The following MAPK10 variants were observed in gnomAD, a reference collection of about 807,000 sequenced individuals.
MAPK10 encodes JNK3 alpha protein kinase.
In MAPK10, 25 loss-of-function variants were observed where a neutral mutation model predicts 59.3. That is an observed-to-expected ratio of 0.42 (90% confidence interval 0.31 to 0.59). The LOEUF (loss-of-function observed/expected upper bound fraction) is 0.59, where lower values mean the gene tolerates loss of function less well. Among genes scored for constraint, MAPK10 ranks in the 20% least tolerant of loss-of-function variants. The pLI, the probability that MAPK10 is intolerant of heterozygous loss-of-function variation, is 0.15. For synonymous variants in MAPK10, 190 were observed against 200.5 expected (o/e 0.95, Z 0.44); for missense variants, 351 against 568.9 (o/e 0.62, Z 3.90).
intron 2 of MAPK10, among the ~76,000 whole-genome samples, chr4:86,211,238 C>T (rs2085719348): frequency 6.6e-6 from 1 of 151,814 alleles, no homozygotes; most frequent in Non-Finnish European, 1.5e-5. Context: ...TCAACAAATG[C>T]CAAGTTGGAT....
intron 11 of MAPK10, among the ~76,000 whole-genome samples, chr4:86,053,980 A>T (rs2148965643): frequency 6.6e-6 from 1 of 152,312 alleles, no homozygotes; most frequent in African/African-American, 2.4e-5. Flanking sequence ...TTCATAAAGT[A>T]TTCTCTCTCA....
intron 4 of MAPK10, among the ~76,000 whole-genome samples, chr4:86,112,640 T>C (rs542060130): frequency 2.8e-4 from 42 of 151,958 alleles, no homozygotes; most frequent in Non-Finnish European, 4.6e-4. Context: ...GTAATTATAT[T>C]ATTAATTTTA....
chr4:86,505,143 C>G (rs1168814003), intron 1 of MAPK10, among the ~76,000 whole-genome samples: 2 of 152,090 alleles, frequency 1.3e-5, no homozygotes, highest in African/African-American at 4.8e-5. Flanking sequence ...CCTGGCTAGC[C>G]AACAGCACAT....
At chr4:86,372,524 G>T in intron 1 of MAPK10, among the ~76,000 whole-genome samples, 1 of 64,188 alleles carries the variant, frequency 1.6e-5, no homozygotes, top group African/African-American at 8.1e-5. Context: ...TCAAACAAAA[G>T]AAAGAAAGAA....
At chr4:86,033,833 C>A (rs1190761544) in intron 11 of MAPK10, among the ~76,000 whole-genome samples, 1 of 152,138 alleles carries the variant, frequency 6.6e-6, no homozygotes, top group Non-Finnish European at 1.5e-5. Context: ...ATACAGATGT[C>A]TTCTATGTGA....
At chr4:86,350,861 A>G (rs1730962695) in intron 2 of MAPK10, among the ~76,000 whole-genome samples, 1 of 152,234 alleles carries the variant, frequency 6.6e-6, no homozygotes. Flanking sequence ...AAATTATGGC[A>G]GTAACAACAG....
At chr4:86,361,226 T>C (rs567671651), upstream of MAPK10, among the ~76,000 whole-genome samples, 1 of 152,346 alleles carries the variant, frequency 6.6e-6, no homozygotes, top group Non-Finnish European at 1.5e-5. Flanking sequence ...TCTTTGTTGT[T>C]GCTGCTGTTG....
intron 2 of MAPK10, among the ~76,000 whole-genome samples, chr4:86,305,083 A>G (rs1325723040): frequency 1.3e-5 from 2 of 152,216 alleles, no homozygotes; most frequent in African/African-American, 4.8e-5. Context: ...AATATATGGT[A>G]CTTCTTGATT....
In MAPK10 at chr4:86,448,309, AT is replaced by A. The variant is rs796514225; in HGVS notation, c.-122+4720del. ...CAAATCCTCCCTAAATTTTCTCTCT[AT>A]TTTTTTGTCAGAATTTTCTAGTCTA... On this transcript the variant is annotated intron_variant, in intron 1 of 13. Transcript: ENST00000361569. Among the ~76,000 whole-genome samples, 451 of 150,946 alleles carry A rather than the reference AT, an allele frequency of 3.0e-3. 4 individuals are homozygous for A. The highest frequency in any genetic ancestry group is 0.011 in the African/African-American group (437 of 40,998).
At chr4:86,477,231 G>GT (rs1383409906) in intron 1 of MAPK10, among the ~76,000 whole-genome samples, 2 of 152,120 alleles carry the variant, frequency 1.3e-5, no homozygotes, top group Non-Finnish European at 2.9e-5. Context: ...ACTGTCGTGG[G>GT]TATTGACAGC....
At chr4:86,212,354 CAA>C (rs1047574837) in intron 2 of MAPK10, among the ~76,000 whole-genome samples, 1 of 148,216 alleles carries the variant, frequency 6.7e-6, no homozygotes, top group African/African-American at 2.5e-5. Context: ...CTTGTCTGTA[CAA>C]AAAAAAAATT....
chr4:86,364,835 T>C (rs1322163942), upstream of MAPK10, among the ~76,000 whole-genome samples: 4 of 151,696 alleles, frequency 2.6e-5, no homozygotes, highest in Non-Finnish European at 5.9e-5. Flanking sequence ...CAAAAATTAG[T>C]CCAGTGTGAT....
intron 11 of MAPK10, among the ~76,000 whole-genome samples, chr4:86,058,300 T>C (rs535942880): frequency 6.7e-6 from 1 of 149,696 alleles, no homozygotes; most frequent in Admixed American, 6.6e-5. Context: ...AAGAATGACC[T>C]GGTAAGTGCC....
intron 12 of MAPK10, 53 bp downstream of exon 12, chr4:86,031,315 A>G: frequency 8.0e-7 from 1 of 1,252,812 alleles, no homozygotes; most frequent in Non-Finnish European, 1.2e-6. Context: ...CCTTGTTGAT[A>G]CTTTCTGAGT....
intron 2 of MAPK10, among the ~76,000 whole-genome samples, chr4:86,210,154 A>G (rs1331233010): frequency 2.6e-5 from 4 of 152,122 alleles, no homozygotes; most frequent in Non-Finnish European, 2.9e-5. Flanking sequence ...TAAATGTAAG[A>G]CCTCAAACTA....
chr4:86,168,315 A>AG (rs1278946473), intron 3 of MAPK10, among the ~76,000 whole-genome samples: 1 of 152,208 alleles, frequency 6.6e-6, no homozygotes, highest in East Asian at 1.9e-4. Flanking sequence ...AGTCAAAGAA[A>AG]GGGGTGACAG....
Position 86,018,013 on chromosome 4 carries a change from G to A in MAPK10, c.1253-643C>T, listed in dbSNP as rs565946360. ...TGGGATTACAGGCGTGAGCCACCAC[G>A]CCCCGCGGGCATTTGCATTTTTTAA... On this transcript the variant is annotated intron_variant, in intron 13 of 13. Transcript: ENST00000641462. 1.5e-3 allele frequency among the ~76,000 whole-genome samples: 232 copies of A among 152,288 alleles called. 1 individual carries two copies. Among genetic ancestry groups the A allele is most frequent in the Non-Finnish European group, 1.6e-3 (106 of 68,028 alleles).
At chr4:86,299,358 T>C (rs2095426804) in intron 2 of MAPK10, among the ~76,000 whole-genome samples, 1 of 152,150 alleles carries the variant, frequency 6.6e-6, no homozygotes, top group Non-Finnish European at 1.5e-5. Flanking sequence ...CTAAGCCCCA[T>C]AGTGATGATA....
intron 9 of MAPK10, chr4:86,082,394 A>G (rs754465402): frequency 2.0e-5 from 3 of 152,218 alleles, no homozygotes; most frequent in Non-Finnish European, 2.9e-5. Flanking sequence ...GTCAGCTATG[A>G]TAAAATTCAT....
Sources: gnomAD v4.1 joint callset for allele counts (sites outside exome capture counted in the v4.1 genomes callset) on GRCh38, gnomAD v4.1.1 for gene constraint, MANE v1.5 for transcripts, NCBI Gene and HGNC (gene_info 2026-07-23, HGNC 2026-07-21) for gene names.